Variants in REDIC1 observed in about 807,000 individuals in gnomAD.
The protein encoded by REDIC1 is HEI10 Interacting Protein 1.
the REDIC1 span, among the ~76,000 whole-genome samples, chr12:39,870,253 T>C: frequency 1.3e-5 from 2 of 152,110 alleles, no homozygotes; most frequent in Non-Finnish European, 2.9e-5. Context: ...AAAAGAAGGG[T>C]GTCATCCATT....
chr12:39,712,969 ATATG>A, the REDIC1 span, among the ~76,000 whole-genome samples: 1 of 21,118 alleles, frequency 4.7e-5, no homozygotes, highest in African/African-American at 1.7e-4. Context: ...ATATACGTGT[ATATG>A]TATATATACA....
the REDIC1 span, among the ~76,000 whole-genome samples, chr12:39,734,651 T>C: frequency 6.6e-6 from 1 of 152,214 alleles, no homozygotes; most frequent in East Asian, 1.9e-4. Context: ...GACTACTCTT[T>C]CTTAATTAAC....
chr12:39,699,840 C>T, the REDIC1 span, among the ~76,000 whole-genome samples: 1 of 152,162 alleles, frequency 6.6e-6, no homozygotes, highest in African/African-American at 2.4e-5. Flanking sequence ...TAGACTGACA[C>T]CTCACACAGC....
At chr12:39,772,145 G>A in the REDIC1 span, among the ~76,000 whole-genome samples, 3 of 152,042 alleles carry the variant, frequency 2.0e-5, no homozygotes, top group Non-Finnish European at 2.9e-5. Context: ...TTCTTCTACG[G>A]TACTGAGATT....
the REDIC1 span, among the ~76,000 whole-genome samples, chr12:39,769,824 T>C: frequency 6.6e-6 from 1 of 152,054 alleles, no homozygotes; most frequent in Admixed American, 6.6e-5. Context: ...GAGCTCTACC[T>C]GACTACACAA....
the REDIC1 span, among the ~76,000 whole-genome samples, chr12:39,649,576 C>T: frequency 2.8e-5 from 4 of 145,214 alleles, no homozygotes; most frequent in African/African-American, 1.0e-4. Context: ...CTTTTTGACT[C>T]TCCTTTTTTT....
chr12:39,699,448 C>G, the REDIC1 span, among the ~76,000 whole-genome samples: 1 of 152,226 alleles, frequency 6.6e-6, no homozygotes, highest in Non-Finnish European at 1.5e-5. Flanking sequence ...TCAGAGGGTC[C>G]TACGCCCAGG....
the REDIC1 span, among the ~76,000 whole-genome samples, chr12:39,723,959 T>C: frequency 6.6e-6 from 1 of 152,162 alleles, no homozygotes. Context: ...ATGTAGCAAA[T>C]GCTATCTGTG....
chr12:39,693,288 G>T, the REDIC1 span, among the ~76,000 whole-genome samples: 2 of 151,964 alleles, frequency 1.3e-5, no homozygotes, highest in East Asian at 1.9e-4. Flanking sequence ...TGCTAGCATA[G>T]TCCTTCATGT....
chr12:39,698,395 T>C, the REDIC1 span, among the ~76,000 whole-genome samples: 24 of 121,892 alleles, frequency 2.0e-4, no homozygotes, highest in South Asian at 6.5e-3. Context: ...AATACGATAA[T>C]AGTTGGAGAC....
chr12:39,878,319 C>G, the REDIC1 span, among the ~76,000 whole-genome samples: 2 of 152,110 alleles, frequency 1.3e-5, no homozygotes, highest in African/African-American at 2.4e-5. Flanking sequence ...TTGGAGGGCT[C>G]AGAAGACAGG....
the REDIC1 span, among the ~76,000 whole-genome samples, chr12:39,672,886 C>T: frequency 8.2e-3 from 1,246 of 152,250 alleles, 16 homozygotes; most frequent in African/African-American, 0.028. Flanking sequence ...CCTGAAGGAG[C>T]TGCTTCAGAT....
At chr12:39,831,457 G>T in the REDIC1 span, among the ~76,000 whole-genome samples, 1 of 152,204 alleles carries the variant, frequency 6.6e-6, no homozygotes, top group Admixed American at 6.5e-5. Context: ...ATCTGAAAAA[G>T]ACATCCAAAA....
the REDIC1 span, among the ~76,000 whole-genome samples, chr12:39,902,253 A>G: frequency 6.6e-6 from 1 of 151,418 alleles, no homozygotes; most frequent in African/African-American, 2.4e-5. Flanking sequence ...TGACGAATTA[A>G]TGGGTGCAGC....
chr12:39,722,890 G>C, the REDIC1 span, among the ~76,000 whole-genome samples: 1 of 152,080 alleles, frequency 6.6e-6, no homozygotes, highest in Non-Finnish European at 1.5e-5. Context: ...GTCTTTATTT[G>C]CCTAGGAAGC....
the REDIC1 span, among the ~76,000 whole-genome samples, chr12:39,896,866 G>A: frequency 6.6e-6 from 1 of 152,074 alleles, no homozygotes; most frequent in Non-Finnish European, 1.5e-5. Flanking sequence ...CTAGAATCAA[G>A]TTACATGTAT....
At chr12:39,874,728 T>C in the REDIC1 span, among the ~76,000 whole-genome samples, 1 of 152,148 alleles carries the variant, frequency 6.6e-6, no homozygotes, top group Admixed American at 6.6e-5. Context: ...TTGGACTTTG[T>C]ATTGTAGGCA....
At chr12:39,713,983 A>G in the REDIC1 span, among the ~76,000 whole-genome samples, 2 of 148,356 alleles carry the variant, frequency 1.3e-5, no homozygotes, top group African/African-American at 4.9e-5. Flanking sequence ...ATATACGTAT[A>G]TATACATGTA....
the REDIC1 span, among the ~76,000 whole-genome samples, chr12:39,713,338 GTA>G: frequency 6.8e-4 from 97 of 143,138 alleles, 2 homozygotes; most frequent in African/African-American, 2.3e-3. Flanking sequence ...ACATATACGT[GTA>G]TATATGTGTA....
Sources: gnomAD v4.1 joint callset for allele counts (sites outside exome capture counted in the v4.1 genomes callset) on GRCh38, gnomAD v4.1.1 for gene constraint, MANE v1.5 for transcripts, NCBI Gene and HGNC (gene_info 2026-07-23, HGNC 2026-07-21) for gene names.